ST8SIA2: variants seen among roughly 807,000 people sequenced by gnomAD.
ST8SIA2 encodes the protein alpha-2,8-sialyltransferase 8B.
ST8SIA2 carries 22 observed loss-of-function variants against 37.6 expected under a neutral mutation model. The ratio of observed to expected loss-of-function variants is 0.58; its 90% CI spans 0.42 to 0.83. The LOEUF (loss-of-function observed/expected upper bound fraction) is 0.83, where lower values mean the gene tolerates loss of function less well. ST8SIA2 is among the 40% of genes least tolerant of loss of function. The probability of loss-of-function intolerance (pLI) is 0.00; values close to 1 mark genes in which losing one functional copy is unlikely to be tolerated. For missense variants in ST8SIA2, 382 were observed against 484.7 expected (o/e 0.79, Z 1.99); for synonymous variants, 205 against 201.2 (o/e 1.02, Z -0.16).
intron 1 of ST8SIA2, among the ~76,000 whole-genome samples, chr15:92,419,882 T>A (rs540619378): frequency 9.2e-5 from 14 of 152,318 alleles, no homozygotes; most frequent in African/African-American, 3.4e-4. Context: ...TGTTTGTTTC[T>A]TTGAGATAGA....
intron 4 of ST8SIA2, among the ~76,000 whole-genome samples, chr15:92,441,522 G>A (rs540146983): frequency 1.3e-5 from 2 of 152,028 alleles, no homozygotes; most frequent in African/African-American, 4.8e-5. Context: ...ATCTGGGATC[G>A]TGTGTGCAGA....
intron 1 of ST8SIA2, among the ~76,000 whole-genome samples, chr15:92,418,500 C>G (rs986170118): frequency 2.7e-5 from 4 of 149,596 alleles, no homozygotes; most frequent in African/African-American, 9.8e-5. Flanking sequence ...GGTAGAGTGC[C>G]TGGCACATGG....
chr15:92,450,153 C>G (rs1418362788), intron 5 of ST8SIA2, among the ~76,000 whole-genome samples: 1 of 152,178 alleles, frequency 6.6e-6, no homozygotes, highest in Non-Finnish European at 1.5e-5. Context: ...GACAATCTAT[C>G]AAGGCACTCA....
rs1355602127 is a variant in ST8SIA2 at position 92,458,731 on chromosome 15, G to T, written c.843-5369G>T. Reference sequence around the variant, plus strand: ...AGCCAGGGAAGGACACTGGTGCACGGGTGACCACAGCTGCCCAGAGACAGG... The same window carrying T: ...AGCCAGGGAAGGACACTGGTGCACGTGTGACCACAGCTGCCCAGAGACAGG... On this transcript the variant is annotated intron_variant, in intron 5 of 5. Transcript: ENST00000268164. 4.6e-5 allele frequency among the ~76,000 whole-genome samples: 7 copies of T among 152,200 alleles called. No individual in the cohort carries two copies. In the East Asian group the frequency reaches 1.3e-3, roughly 29 times the overall value.
At chr15:92,447,553 C>T (rs2049851148) in intron 5 of ST8SIA2, among the ~76,000 whole-genome samples, 1 of 152,156 alleles carries the variant, frequency 6.6e-6, no homozygotes, top group South Asian at 2.1e-4. Flanking sequence ...TCAGGATGCT[C>T]TTCACTGGGG....
chr15:92,464,285 C>T lies in ST8SIA2; in HGVS notation c.1028C>T (p.Ala343Val), dbSNP rs754902583. The change falls in exon 6 of 6, where the codon GCC becomes GTC. Residue 343 changes from alanine to valine, a missense_variant. Coordinates refer to ENST00000268164, the MANE Select transcript of ST8SIA2 (RefSeq NM_006011.4). ...CTCAAGTATGGCTACACCTCCCAGG[C>T]CAGCCCGCATACCATGCCCTTGGAG... is the stretch of plus-strand genomic sequence containing the variant. ...DSLKYGYTSQ[A>V]SPHTMPLEFK... 1.2e-6 allele frequency: 2 copies of T among 1,613,996 alleles called. No individual in the cohort carries two copies. Among genetic ancestry groups the T allele is most frequent in the African/African-American group, 2.7e-5 (2 of 74,970 alleles).
At chr15:92,397,279 T>C (rs564643019) in intron 1 of ST8SIA2, among the ~76,000 whole-genome samples, 3 of 152,338 alleles carry the variant, frequency 2.0e-5, no homozygotes, top group African/African-American at 7.2e-5. Flanking sequence ...TCTCTTTTTT[T>C]TATAAAATGA....
rs1159682843 is a variant in ST8SIA2 at position 92,465,988 on chromosome 15, G to C, written c.*1603G>C. The C allele has an allele frequency of 3.9e-5, 6 of 152,204 alleles. No homozygotes were observed. The highest frequency in any genetic ancestry group is 8.8e-5 in the Non-Finnish European group (6 of 68,040). 9.4% of individuals were successfully genotyped at this position (152,204 alleles called of 1,614,324 possible). ...AACTACCATCTTGAAGGTGAAGGGA[G>C]TTAAGAAAAGTAATCAAGACCTGCT... On this transcript the variant is annotated 3_prime_UTR_variant, in exon 6 of 6. Coordinates refer to ENST00000268164, the MANE Select transcript of ST8SIA2 (RefSeq NM_006011.4).
Position 92,410,341 on chromosome 15 carries a change from T to C in ST8SIA2, c.98+16179T>C, listed in dbSNP as rs186038048. Among the ~76,000 whole-genome samples, 25 of 152,344 alleles carry C rather than the reference T, an allele frequency of 1.6e-4. No individual in the cohort carries two copies. In the East Asian group the frequency reaches 4.8e-3, roughly 29 times the overall value. On this transcript the variant is annotated intron_variant, in intron 1 of 5. Transcript: ENST00000268164. ...TTAAAAAGAAAAGAAAGCTGCTATA[T>C]GGCAAGAGGAAGACAAGCTAATATA...
At chr15:92,428,089 T>C (rs2049689819) in intron 1 of ST8SIA2, among the ~76,000 whole-genome samples, 1 of 152,372 alleles carries the variant, frequency 6.6e-6, no homozygotes, top group African/African-American at 2.4e-5. Context: ...AAGATTATCT[T>C]AGGAATTCTA....
intron 1 of ST8SIA2, among the ~76,000 whole-genome samples, chr15:92,403,204 G>C (rs1279657275): frequency 6.6e-6 from 1 of 152,136 alleles, no homozygotes; most frequent in East Asian, 1.9e-4. Context: ...GAGGTCTCGG[G>C]ACTTGCTAAG....
chr15:92,444,779 A>G lies in ST8SIA2; in HGVS notation c.692A>G (p.His231Arg). The G allele has an allele frequency of 6.2e-7, 1 of 1,614,094 alleles. No homozygotes were observed. The highest frequency in any genetic ancestry group is 8.5e-7 in the Non-Finnish European group (1 of 1,180,038). ...TWREKLLQRLHSLNGSILWIP... is the reference protein window; with the variant it reads ...TWREKLLQRLRSLNGSILWIP... The stretch of plus-strand genomic sequence containing the variant: ...CGGGAGAAGCTGCTGCAACGGCTGC[A>G]CAGCCTCAATGGCAGCATCCTGTGG... The change falls in exon 5 of 6, where the codon CAC becomes CGC. Residue 231 changes from histidine to arginine, a missense_variant. By Grantham distance (29) the His-to-Arg change is conservative. Transcript: ENST00000268164.
At chr15:92,442,201 C>T (rs544450896) in intron 4 of ST8SIA2, among the ~76,000 whole-genome samples, 1 of 152,340 alleles carries the variant, frequency 6.6e-6, no homozygotes, top group African/African-American at 2.4e-5. Flanking sequence ...GAGGCACAGT[C>T]ATTGGAAAAG....
At chr15:92,408,179 T>C (rs1262667707) in intron 1 of ST8SIA2, among the ~76,000 whole-genome samples, 1 of 152,042 alleles carries the variant, frequency 6.6e-6, no homozygotes, top group African/African-American at 2.4e-5. Context: ...TTATGAATGA[T>C]TCAAACAGTG....
Position 92,444,654 on chromosome 15 carries a change from A to G in ST8SIA2, c.567A>G (p.Val189=), listed in dbSNP as rs771913473. The part of the protein sequence containing the change: ...SFVIRCNLAP[V]QEYARDVGLK... ...CCGGCAGGTGCAACCTGGCCCCAGT[A>G]CAGGAGTATGCCCGGGATGTGGGGC... The change falls in exon 5 of 6, where the codon GTA becomes GTG. Residue 189 remains valine, a synonymous_variant. Transcript: ENST00000268164. 4 of 1,614,132 alleles carry G rather than the reference A, an allele frequency of 2.5e-6. No individual in the cohort carries two copies. Among genetic ancestry groups the G allele is most frequent in the African/African-American group, 2.7e-5 (2 of 74,948 alleles).
chr15:92,444,757 G>A lies in ST8SIA2; in HGVS notation c.670G>A (p.Glu224Lys). ...FEDLVNATWR[E>K]KLLQRLHSLN... ...GGACTTGGTCAATGCCACGTGGCGGGAGAAGCTGCTGCAACGGCTGCACAG... is the reference window on the plus strand; with the variant it reads ...GGACTTGGTCAATGCCACGTGGCGGAAGAAGCTGCTGCAACGGCTGCACAG... Residue 224 changes from glutamate to lysine, a missense_variant, in exon 5 of 6, where the codon GAG (glutamate) becomes AAG (lysine). By Grantham distance (56) the Glu-to-Lys change is moderately conservative. Transcript: ENST00000268164. 2 of 1,614,188 alleles carry A rather than the reference G, an allele frequency of 1.2e-6. No homozygotes were observed. The highest frequency in any genetic ancestry group is 1.7e-6 in the Non-Finnish European group (2 of 1,180,046).
At chr15:92,440,223 A>G (rs1055330926) in intron 4 of ST8SIA2, among the ~76,000 whole-genome samples, 1 of 152,164 alleles carries the variant, frequency 6.6e-6, no homozygotes, top group Non-Finnish European at 1.5e-5. Flanking sequence ...TATCATCTGT[A>G]AAACGGGCTG....
chr15:92,457,955 C>T (rs955635833), intron 5 of ST8SIA2, among the ~76,000 whole-genome samples: 3 of 152,226 alleles, frequency 2.0e-5, no homozygotes, highest in Non-Finnish European at 4.4e-5. Flanking sequence ...ATTTCTATTC[C>T]TGTCCCAGCT....
intron 1 of ST8SIA2, among the ~76,000 whole-genome samples, chr15:92,427,260 CA>C (rs55783719): frequency 0.024 from 2,442 of 102,602 alleles, 42 homozygotes; most frequent in African/African-American, 0.076. Context: ...GGGCACTTGG[CA>C]AAAAAAAAAA....
Sources: allele counts gnomAD v4.1 joint callset (sites outside exome capture counted in the v4.1 genomes callset), GRCh38; gene constraint gnomAD v4.1.1; transcripts MANE v1.5; gene names NCBI Gene and HGNC (gene_info 2026-07-23, HGNC 2026-07-21).